GRID2: variants seen among roughly 807,000 people sequenced by gnomAD.
The protein encoded by GRID2 is glutamate ionotropic receptor delta type subunit 2.
In GRID2, 33 loss-of-function variants were observed where a neutral mutation model predicts 114.8. That is an observed-to-expected ratio of 0.29 (90% CI 0.22 to 0.38). The LOEUF is 0.38. GRID2 is among the 10% of genes least tolerant of loss of function. The pLI, the probability that GRID2 is intolerant of heterozygous loss-of-function variation, is 1.00. For missense variants in GRID2, 1,184 were observed against 1,257.7 expected (o/e 0.94, Z 0.89); for synonymous variants, 505 against 449.9 (o/e 1.12, Z -1.55).
intron 2 of GRID2, among the ~76,000 whole-genome samples, chr4:92,760,662 T>A (rs2149345069): frequency 6.6e-6 from 1 of 152,248 alleles, no homozygotes; most frequent in South Asian, 2.1e-4. Context: ...TCCTGATAAA[T>A]CTCCTGCATT....
intron 14 of GRID2, among the ~76,000 whole-genome samples, chr4:93,742,475 T>A (rs1731502898): frequency 6.6e-6 from 1 of 152,256 alleles, no homozygotes; most frequent in African/African-American, 2.4e-5. Context: ...GTGGTTTTAC[T>A]GCACTTTGCT....
chr4:93,358,137 T>C (rs1761526491), intron 8 of GRID2, among the ~76,000 whole-genome samples: 1 of 151,862 alleles, frequency 6.6e-6, no homozygotes, highest in South Asian at 2.1e-4. Flanking sequence ...TTTCTTCTTC[T>C]AATTTAGAAA....
At chr4:92,498,140 AGAG>A (rs1723487136) in intron 1 of GRID2, among the ~76,000 whole-genome samples, 1 of 151,812 alleles carries the variant, frequency 6.6e-6, no homozygotes, top group Non-Finnish European at 1.5e-5. Context: ...AAAAATGGAG[AGAG>A]GAGGAGGAAG....
intron 2 of GRID2, among the ~76,000 whole-genome samples, chr4:92,933,954 C>G (rs763598263): frequency 6.6e-6 from 1 of 151,562 alleles, no homozygotes; most frequent in African/African-American, 2.4e-5. Flanking sequence ...TTTTTACTCT[C>G]TATGAAACTT....
intron 2 of GRID2, among the ~76,000 whole-genome samples, chr4:92,812,666 T>A (rs1471667668): frequency 1.3e-5 from 2 of 152,110 alleles, no homozygotes; most frequent in South Asian, 4.1e-4. Context: ...GATGATAAGA[T>A]CACTAGCATC....
At chr4:93,127,883 T>TATTAAA in intron 4 of GRID2, among the ~76,000 whole-genome samples, 2 of 151,444 alleles carry the variant, frequency 1.3e-5, no homozygotes, top group East Asian at 3.9e-4. Context: ...TAGCTGGGTA[T>TATTAAA]GGTGGTACAT....
At chr4:92,871,129 T>C (rs1357324468) in intron 2 of GRID2, among the ~76,000 whole-genome samples, 1 of 152,148 alleles carries the variant, frequency 6.6e-6, no homozygotes, top group Non-Finnish European at 1.5e-5. Flanking sequence ...TACAGATAGA[T>C]AGAAACAAAA....
intron 4 of GRID2, among the ~76,000 whole-genome samples, chr4:93,163,376 ATATATAT>A (rs1737900898): frequency 1.9e-5 from 1 of 51,812 alleles, no homozygotes; most frequent in African/African-American, 7.2e-5. Flanking sequence ...ATATATATAT[ATATATAT>A]ATATATATAT....
intron 2 of GRID2, among the ~76,000 whole-genome samples, chr4:92,886,672 C>A (rs1360536207): frequency 6.6e-6 from 1 of 152,152 alleles, no homozygotes; most frequent in Non-Finnish European, 1.5e-5. Context: ...TTCGCCCAGG[C>A]TGGAGCGCAG....
intron 1 of GRID2, among the ~76,000 whole-genome samples, chr4:93,799,619 G>T (rs1308787784): frequency 6.6e-6 from 1 of 152,066 alleles, no homozygotes; most frequent in Non-Finnish European, 1.5e-5. Context: ...TTACATTATT[G>T]AACAATTCCA....
chr4:92,953,395 A>G (rs924774710), intron 2 of GRID2, among the ~76,000 whole-genome samples: 3 of 152,200 alleles, frequency 2.0e-5, no homozygotes, highest in Admixed American at 6.5e-5. Flanking sequence ...ATAGTCTACT[A>G]TAAATGTTGA....
At chr4:93,482,553 A>G (rs544906889) in intron 11 of GRID2, among the ~76,000 whole-genome samples, 1 of 152,072 alleles carries the variant, frequency 6.6e-6, no homozygotes, top group South Asian at 2.1e-4. Flanking sequence ...GGGCAAGGGA[A>G]GGGAGAGCAT....
chr4:93,168,156 C>T (rs1175593428), intron 4 of GRID2, among the ~76,000 whole-genome samples: 2 of 151,112 alleles, frequency 1.3e-5, no homozygotes, highest in South Asian at 2.1e-4. Context: ...TGATTGAGAT[C>T]GCAGCACTGC....
intron 2 of GRID2, among the ~76,000 whole-genome samples, chr4:93,030,500 C>T (rs999281647): frequency 6.6e-6 from 1 of 151,912 alleles, no homozygotes; most frequent in East Asian, 1.9e-4. Context: ...TTCTTGTGCC[C>T]CAGCCTCTGG....
At chr4:92,949,331 T>G (rs1751865874) in intron 2 of GRID2, among the ~76,000 whole-genome samples, 1 of 152,086 alleles carries the variant, frequency 6.6e-6, no homozygotes, top group Non-Finnish European at 1.5e-5. Flanking sequence ...TTTATTATAC[T>G]TCAAGTTTTA....
intron 8 of GRID2, among the ~76,000 whole-genome samples, chr4:93,295,590 C>CCTCCTCCTCCTCCTCTCCCCG (rs1285906578): frequency 3.3e-5 from 5 of 151,784 alleles, no homozygotes; most frequent in African/African-American, 4.8e-5. Context: ...TCCTCTTCCT[C>CCTCCTCCTCCTCCTCTCCCCG]CTCCTCCTCC....
intron 2 of GRID2, among the ~76,000 whole-genome samples, chr4:93,034,474 G>C (rs546547578): frequency 6.6e-6 from 1 of 152,040 alleles, no homozygotes; most frequent in Non-Finnish European, 1.5e-5. Flanking sequence ...ACAATACAAC[G>C]ATATTTCACT....
At chr4:93,027,491 A>G (rs1723990862) in intron 2 of GRID2, among the ~76,000 whole-genome samples, 1 of 152,040 alleles carries the variant, frequency 6.6e-6, no homozygotes, top group African/African-American at 2.4e-5. Context: ...GTATTGCTGG[A>G]TTTTACAGAG....
At chr4:93,498,145 A>T (rs1281859188) in intron 12 of GRID2, among the ~76,000 whole-genome samples, 1 of 151,878 alleles carries the variant, frequency 6.6e-6, no homozygotes, top group Non-Finnish European at 1.5e-5. Context: ...TGAGTAATTT[A>T]TAAAGAATAG....
Sources: allele counts gnomAD v4.1 joint callset (sites outside exome capture counted in the v4.1 genomes callset), GRCh38; gene constraint gnomAD v4.1.1; transcripts MANE v1.5; gene names NCBI Gene and HGNC (gene_info 2026-07-23, HGNC 2026-07-21).